Variants in SF3A3 observed in about 807,000 individuals in gnomAD.
SF3A3 encodes the protein SAP 61.
A neutral mutation model predicts 85.8 loss-of-function variants in SF3A3; 9 were observed. The ratio of observed to expected loss-of-function variants is 0.10; its 90% CI spans 0.06 to 0.18. The LOEUF (loss-of-function observed/expected upper bound fraction) is 0.18. Ranked by LOEUF, SF3A3 falls within the 10% of genes least tolerant of loss-of-function variation. The pLI, the probability that SF3A3 is intolerant of heterozygous loss-of-function variation, is 1.00. For missense variants in SF3A3, 306 were observed against 593.3 expected, an observed-to-expected ratio of 0.52 and a Z score of 5.03; for synonymous variants, 195 against 204.4, an observed-to-expected ratio of 0.95 and a Z score of 0.39.
chr1:37,978,379 T>C (rs1218206032), intron 11 of SF3A3, among the ~76,000 whole-genome samples: 6 of 151,706 alleles, frequency 4.0e-5, no homozygotes, highest in African/African-American at 1.5e-4. Context: ...TGTATAAGTA[T>C]GTAGCTCAAG....
chr1:37,959,489 C>G (rs1646242308), intron 16 of SF3A3, among the ~76,000 whole-genome samples: 1 of 152,034 alleles, frequency 6.6e-6, no homozygotes, highest in Non-Finnish European at 1.5e-5. Flanking sequence ...AGCTCAGCAG[C>G]TGCCTCAAAT....
Position 37,964,883 on chromosome 1 carries a change from G to A in SF3A3, c.1372+3161C>T, listed in dbSNP as rs753183918. The stretch of plus-strand genomic sequence containing the variant: ...TATATCAGTCATTCTCTTAACATGA[G>A]CATGGTGGCTCATGCCTATAATCCT... On this transcript the variant is annotated intron_variant, in intron 15 of 16. Coordinates refer to ENST00000373019, the MANE Select transcript of SF3A3 (RefSeq NM_006802.4). Among the ~76,000 whole-genome samples, 6 of 152,140 alleles carry A rather than the reference G, an allele frequency of 3.9e-5. No homozygotes were observed. The South Asian group carries it at 1.2e-3, about 31-fold the overall frequency.
intron 4 of SF3A3, 25 bp downstream of exon 4, chr1:37,987,548 A>C (rs753835963): frequency 6.6e-7 from 1 of 1,519,378 alleles, no homozygotes; most frequent in East Asian, 2.2e-5. Flanking sequence ...ATAGGTCTGG[A>C]GAAAATACTT....
chr1:37,989,562 G>T lies in SF3A3; in HGVS notation c.130C>A (p.Arg44=). 1.1e-5 allele frequency: 18 copies of T among 1,613,978 alleles called. No individual in the cohort carries two copies. Among genetic ancestry groups the T allele is most frequent in the Non-Finnish European group, 1.5e-5 (18 of 1,179,970 alleles). The part of the protein sequence containing the change: ...RDQINSDHRT[R]AMQDRYMEVS... ...TGGGCACTCACATCTTGCATGGCCC[G>T]AGTGCGGTGATCAGAATTGATCTGG... The change falls in exon 2 of 17, where the codon CGG becomes AGG. Residue 44 remains arginine (R), a synonymous_variant. Coordinates refer to ENST00000373019, the MANE Select transcript of SF3A3 (RefSeq NM_006802.4).
At chr1:37,965,513 G>A (rs968430592) in intron 15 of SF3A3, among the ~76,000 whole-genome samples, 3 of 151,822 alleles carry the variant, frequency 2.0e-5, no homozygotes, top group Admixed American at 1.3e-4. Context: ...CAGCACTTTC[G>A]GAGGCTGAGA....
intron 6 of SF3A3, among the ~76,000 whole-genome samples, chr1:37,983,282 T>C (rs1336095690): frequency 6.8e-6 from 1 of 146,894 alleles, no homozygotes; most frequent in Non-Finnish European, 1.5e-5. Flanking sequence ...AAAAAAAGAA[T>C]TTAAAGAAAT....
intron 10 of SF3A3, 58 bp from the exon 11 acceptor site, chr1:37,978,885 T>C (rs905665624): frequency 1.1e-5 from 17 of 1,565,046 alleles, no homozygotes; most frequent in Non-Finnish European, 1.3e-5. Flanking sequence ...GGCTGGCTTA[T>C]TTTTGCAGTG....
At chr1:37,983,701 G>A (rs969068940) in intron 6 of SF3A3, among the ~76,000 whole-genome samples, 16 of 151,326 alleles carry the variant, frequency 1.1e-4, no homozygotes, top group Admixed American at 7.3e-4. Flanking sequence ...GTGGGAGGCC[G>A]AGACAGGAGG....
At chr1:37,965,848 T>C (rs937950872) in intron 15 of SF3A3, among the ~76,000 whole-genome samples, 2 of 151,100 alleles carry the variant, frequency 1.3e-5, no homozygotes, top group Non-Finnish European at 3.0e-5. Flanking sequence ...GGGGGTAAAA[T>C]ACCTTACTTC....
At chr1:37,973,783 T>TA (rs1310660285) in intron 12 of SF3A3, among the ~76,000 whole-genome samples, 5 of 152,202 alleles carry the variant, frequency 3.3e-5, no homozygotes, top group African/African-American at 1.2e-4. Context: ...CATGCACACT[T>TA]ACGTTTATTG....
chr1:37,984,403 A>G (rs979837760), intron 5 of SF3A3, 143 bp from the exon 6 acceptor site: 14 of 625,832 alleles, frequency 2.2e-5, no homozygotes, highest in South Asian at 9.6e-5. Flanking sequence ...ATAACCTCCA[A>G]TAAGTTAAGT....
At chr1:37,968,191 C>A in intron 14 of SF3A3, 57 bp from the exon 15 acceptor site, 1 of 998,690 alleles carries the variant, frequency 1.0e-6, no homozygotes, top group African/African-American at 1.6e-5. Flanking sequence ...GAACACAGAG[C>A]ACTAACTCCA....
chr1:37,958,414 G>A, intron 16 of SF3A3, 151 bp from the exon 17 acceptor site: 1 of 647,822 alleles, frequency 1.5e-6, no homozygotes, highest in East Asian at 2.7e-5. Flanking sequence ...CTCAACTGGG[G>A]TTCCACAAGA....
At position 37,987,961 on chromosome 1, in the gene SF3A3, TAAC is replaced by T. The variant is rs1646467588; in HGVS notation, c.145-128_145-126del. 5.0e-6 allele frequency: 4 copies of T among 793,382 alleles called. No homozygotes were observed. The Admixed American group carries it at 7.5e-5, about 15-fold the overall frequency. 49.1% of individuals were successfully genotyped at this position (793,382 alleles called of 1,614,324 possible). The stretch of plus-strand genomic sequence containing the variant: ...AAGAGACATGGATATGAGATAGTCT[TAAC>T]AGTTCTGTGCTTCCTAGTACCTTTA... On this transcript the variant is annotated intron_variant, in intron 2 of 16. Transcript: ENST00000373019.
chr1:37,958,289 T>C (rs1415239561), intron 16 of SF3A3, 26 bp from the exon 17 acceptor site: 3 of 1,507,102 alleles, frequency 2.0e-6, no homozygotes, highest in East Asian at 2.3e-5. Flanking sequence ...TACACTTTGT[T>C]AGACAGCTCT....
At chr1:37,988,185 C>T (rs116734105) in intron 2 of SF3A3, among the ~76,000 whole-genome samples, 2,159 of 152,316 alleles carry the variant, frequency 0.014, 29 homozygotes, top group African/African-American at 0.04. Context: ...TCCCACCTAA[C>T]ATCCTCAAAG....
intron 14 of SF3A3, among the ~76,000 whole-genome samples, 192 bp from the exon 15 acceptor site, chr1:37,968,326 T>C (rs1240092988): frequency 6.6e-6 from 1 of 152,236 alleles, no homozygotes; most frequent in Non-Finnish European, 1.5e-5. Context: ...AAAGCAGCAC[T>C]GCATTGTTTG....
intron 12 of SF3A3, among the ~76,000 whole-genome samples, chr1:37,971,146 A>G (rs886946347): frequency 2.6e-5 from 4 of 152,188 alleles, no homozygotes; most frequent in Admixed American, 6.5e-5. Context: ...AGAATCAAAC[A>G]GACGCAATAA....
chr1:37,966,806 A>G (rs986795609), intron 15 of SF3A3, among the ~76,000 whole-genome samples: 3 of 150,624 alleles, frequency 2.0e-5, no homozygotes, highest in Non-Finnish European at 4.4e-5. Flanking sequence ...ATGGTGGCGC[A>G]TACTTGTAAT....
Sources: gnomAD v4.1 joint callset for allele counts (sites outside exome capture counted in the v4.1 genomes callset) on GRCh38, gnomAD v4.1.1 for gene constraint, MANE v1.5 for transcripts, NCBI Gene and HGNC (gene_info 2026-07-23, HGNC 2026-07-21) for gene names.